The following LSAMP variants were observed in gnomAD, a reference collection of about 807,000 sequenced individuals.
The protein encoded by LSAMP is limbic system-associated membrane protein.
Under a neutral mutation model 38.6 loss-of-function variants are expected in LSAMP, and 7 were observed. That is an observed-to-expected ratio of 0.18 (90% CI 0.10 to 0.34). The LOEUF is 0.34. Ranked by LOEUF, LSAMP falls within the 10% of genes least tolerant of loss-of-function variation. The pLI, the probability that LSAMP is intolerant of heterozygous loss-of-function variation, is 1.00. For synonymous variants in LSAMP, 154 were observed against 166.8 expected (o/e 0.92, Z 0.59); for missense variants, 313 against 420.0 (o/e 0.75, Z 2.23).
chr3:116,171,775 A>C (rs1197172052), intron 1 of LSAMP, among the ~76,000 whole-genome samples: 1 of 152,084 alleles, frequency 6.6e-6, no homozygotes, highest in Non-Finnish European at 1.5e-5. Flanking sequence ...AGATTGGAGT[A>C]TAAGGAGCAG....
At chr3:116,376,614 CA>C (rs2048497269) in intron 1 of LSAMP, among the ~76,000 whole-genome samples, 1 of 151,934 alleles carries the variant, frequency 6.6e-6, no homozygotes, top group African/African-American at 2.4e-5. Context: ...GCAGTTTTTA[CA>C]TTTAACTAAC....
intron 1 of LSAMP, among the ~76,000 whole-genome samples, chr3:116,189,685 T>C (rs1710706851): frequency 6.6e-6 from 1 of 152,174 alleles, no homozygotes; most frequent in African/African-American, 2.4e-5. Flanking sequence ...AAGTGGCCTA[T>C]ATCATTACAA....
intron 3 of LSAMP, among the ~76,000 whole-genome samples, chr3:115,925,476 G>A (rs1387028106): frequency 6.6e-6 from 1 of 152,122 alleles, no homozygotes; most frequent in Non-Finnish European, 1.5e-5. Flanking sequence ...GCCTCCATTT[G>A]CAATTTTGCT....
chr3:116,326,994 C>T (rs1036155427), intron 1 of LSAMP, among the ~76,000 whole-genome samples: 2 of 152,206 alleles, frequency 1.3e-5, no homozygotes, highest in South Asian at 4.1e-4. Flanking sequence ...AGGGTGGAGA[C>T]CATAGCTGAG....
intron 3 of LSAMP, among the ~76,000 whole-genome samples, chr3:115,899,646 T>C (rs1002540396): frequency 6.6e-6 from 1 of 152,190 alleles, no homozygotes; most frequent in African/African-American, 2.4e-5. Flanking sequence ...CAAATTGCCA[T>C]AAAATCTAGA....
intron 1 of LSAMP, among the ~76,000 whole-genome samples, chr3:116,319,043 T>C (rs971354166): frequency 2.7e-5 from 4 of 150,244 alleles, no homozygotes; most frequent in Non-Finnish European, 5.9e-5. Flanking sequence ...TGTATAGAAT[T>C]GGGGGGGTGG....
chr3:116,108,887 G>A (rs1300332173), intron 1 of LSAMP, among the ~76,000 whole-genome samples: 2 of 152,126 alleles, frequency 1.3e-5, no homozygotes, highest in African/African-American at 2.4e-5. Flanking sequence ...CACAGTGGAG[G>A]CAAGGAATTG....
chr3:116,343,591 T>C (rs1445766098), intron 1 of LSAMP, among the ~76,000 whole-genome samples: 3 of 152,148 alleles, frequency 2.0e-5, no homozygotes, highest in East Asian at 1.9e-4. Flanking sequence ...TGGTCTGTAC[T>C]GCTGGCCACA....
intron 1 of LSAMP, among the ~76,000 whole-genome samples, chr3:116,286,578 C>T (rs568346770): frequency 1.6e-3 from 246 of 152,184 alleles, no homozygotes; most frequent in Middle Eastern, 3.4e-3. Flanking sequence ...CTCTAACTCA[C>T]CCTCCTCCAG....
chr3:116,016,011 A>G (rs867759261), intron 3 of LSAMP, among the ~76,000 whole-genome samples: 24 of 116,638 alleles, frequency 2.1e-4, no homozygotes, highest in African/African-American at 9.8e-4. Context: ...AACAAAGCTA[A>G]CCATTTTTTT....
chr3:116,191,668 CT>C (rs1374519529), intron 1 of LSAMP, among the ~76,000 whole-genome samples: 4 of 151,720 alleles, frequency 2.6e-5, no homozygotes, highest in African/African-American at 9.7e-5. Context: ...TTTAGCTCTT[CT>C]GTCTTGAATC....
At chr3:116,108,013 G>C (rs1200997577) in intron 1 of LSAMP, among the ~76,000 whole-genome samples, 1 of 152,128 alleles carries the variant, frequency 6.6e-6, no homozygotes, top group Non-Finnish European at 1.5e-5. Context: ...TGTAGCAGGC[G>C]AGTGATAACA....
rs1478126500 is a variant in LSAMP, at chr3:116,102,721, T to G, written c.156-16165A>C. On this transcript the variant is annotated intron_variant, in intron 1 of 6. Transcript: ENST00000490035. ...AGTCTTCAGCTTATTGGCTGTAGAT[T>G]TTGAGACTTCTCAGCTTCCATAATC... is the stretch of plus-strand genomic sequence containing the variant. Among the ~76,000 whole-genome samples the G allele has an allele frequency of 2.0e-5, 3 of 151,662 alleles. No individual in the cohort carries two copies. In the East Asian group the frequency reaches 5.8e-4, roughly 29 times the overall value.
At chr3:115,928,081 A>G (rs1009437132) in intron 3 of LSAMP, among the ~76,000 whole-genome samples, 1 of 152,256 alleles carries the variant, frequency 6.6e-6, no homozygotes, top group African/African-American at 2.4e-5. Flanking sequence ...AGTGCCTAGC[A>G]TATAGTATAT....
At chr3:116,091,764 G>A (rs1708129209) in intron 1 of LSAMP, among the ~76,000 whole-genome samples, 1 of 152,152 alleles carries the variant, frequency 6.6e-6, no homozygotes, top group Non-Finnish European at 1.5e-5. Flanking sequence ...AACACATGAT[G>A]TTGCAAATAA....
chr3:116,013,288 A>G (rs577671845), intron 3 of LSAMP, among the ~76,000 whole-genome samples: 17 of 152,196 alleles, frequency 1.1e-4, no homozygotes, highest in Non-Finnish European at 5.9e-5. Flanking sequence ...TACTGTGAGC[A>G]TCTCCAGGAT....
chr3:115,861,190 CTT>C (rs1935686469), intron 3 of LSAMP, among the ~76,000 whole-genome samples: 1 of 128,910 alleles, frequency 7.8e-6, no homozygotes, highest in Non-Finnish European at 1.6e-5. Flanking sequence ...TCCTTCCTTC[CTT>C]CCTTCCTTCC....
At chr3:116,090,464 C>T (rs182642030) in intron 1 of LSAMP, among the ~76,000 whole-genome samples, 3 of 152,138 alleles carry the variant, frequency 2.0e-5, no homozygotes, top group East Asian at 3.9e-4. Context: ...ATTAGGCAGG[C>T]TTGTGGAGTA....
intron 3 of LSAMP, among the ~76,000 whole-genome samples, chr3:115,878,374 G>T (rs548488318): frequency 6.6e-6 from 1 of 150,616 alleles, no homozygotes; most frequent in Non-Finnish European, 1.5e-5. Context: ...GACAAACAAG[G>T]AAGAGATAAG....
Sources: gnomAD v4.1 joint callset for allele counts (sites outside exome capture counted in the v4.1 genomes callset) on GRCh38, gnomAD v4.1.1 for gene constraint, MANE v1.5 for transcripts, NCBI Gene and HGNC (gene_info 2026-07-23, HGNC 2026-07-21) for gene names.